The following PACRG variants were observed in gnomAD, a reference collection of about 807,000 sequenced individuals.
PACRG encodes parkin coregulated gene protein.
A neutral mutation model predicts 29.7 loss-of-function variants in PACRG; 29 were observed. That is an observed-to-expected ratio of 0.98 (90% CI 0.73 to 1.33). The LOEUF is 1.33. Ranked by LOEUF, PACRG falls within the 40% of genes most tolerant of loss-of-function variation. The pLI, the probability that PACRG is intolerant of heterozygous loss-of-function variation, is 0.00. For missense variants in PACRG, 279 were observed against 316.2 expected, an observed-to-expected ratio of 0.88 and a Z score of 0.89; for synonymous variants, 116 against 118.7, an observed-to-expected ratio of 0.98 and a Z score of 0.15.
intron 3 of PACRG, among the ~76,000 whole-genome samples, chr6:163,071,240 C>T (rs956645374): frequency 8.3e-6 from 1 of 120,754 alleles, no homozygotes; most frequent in African/African-American, 3.2e-5. Context: ...CTGCAGAATA[C>T]ACATTCTTTT....
At chr6:162,936,766 C>T (rs907197742) in intron 2 of PACRG, among the ~76,000 whole-genome samples, 4 of 151,574 alleles carry the variant, frequency 2.6e-5, no homozygotes, top group Admixed American at 2.6e-4. Context: ...GCAAATAATT[C>T]ATTTGAAAAG....
chr6:163,062,316 TA>T lies in PACRG; in HGVS notation c.463del (p.Asn155MetfsTer3). 1.9e-6 allele frequency: 3 copies of T among 1,607,950 alleles called. No individual in the cohort carries two copies. The highest frequency in any genetic ancestry group is 2.5e-6 in the Non-Finnish European group (3 of 1,178,060). On this transcript the variant is annotated frameshift_variant, in exon 3 of 5. Transcript: ENST00000366888. LOFTEE classifies it high-confidence loss of function. ...GTCCTTCCACAGCTCATTATCCCGA[TA>T]AAAAGTAAGTGAACCGGTGAAAAAG... is the stretch of plus-strand genomic sequence containing the variant. The part of the protein sequence containing the change: ...LPVLPQLIIP[I>X]KNALNLRNRQ...
At chr6:163,284,412 A>C (rs1784324802) in intron 4 of PACRG, among the ~76,000 whole-genome samples, 1 of 152,200 alleles carries the variant, frequency 6.6e-6, no homozygotes, top group Non-Finnish European at 1.5e-5. Flanking sequence ...ACGGGCATGA[A>C]TTTCTTCCAT....
chr6:162,919,949 AGAT>A (rs1186232073), intron 2 of PACRG, among the ~76,000 whole-genome samples: 4 of 152,198 alleles, frequency 2.6e-5, no homozygotes, highest in Non-Finnish European at 4.4e-5. Context: ...TCTTCTAAAA[AGAT>A]GATCTCTCTG....
At chr6:162,977,332 C>T (rs1393826343) in intron 2 of PACRG, among the ~76,000 whole-genome samples, 1 of 151,596 alleles carries the variant, frequency 6.6e-6, no homozygotes, top group South Asian at 2.1e-4. Context: ...AGTCCTTCTT[C>T]TGAACTAAAA....
At chr6:163,163,880 G>A (rs1585282984) in intron 4 of PACRG, among the ~76,000 whole-genome samples, 1 of 152,120 alleles carries the variant, frequency 6.6e-6, no homozygotes, top group Non-Finnish European at 1.5e-5. Flanking sequence ...AAAAGAATTT[G>A]TAGGCCTGAA....
Position 162,947,089 on chromosome 6 carries a change from T to C in PACRG, c.292-115061T>C, listed in dbSNP as rs116895661. Among the ~76,000 whole-genome samples the C allele has an allele frequency of 8.5e-4, 129 of 151,832 alleles. 1 individual carries two copies. The East Asian group carries it at 0.02, about 23-fold the overall frequency. ...ACAAGGATACCACTCTCACCACTCC[T>C]ATTCAACATGCTACTGAAAGTCGTA... On this transcript the variant is annotated intron_variant, in intron 2 of 4. Transcript: ENST00000366888.
intron 1 of PACRG, among the ~76,000 whole-genome samples, chr6:162,756,906 T>C (rs896066212): frequency 6.6e-6 from 1 of 152,160 alleles, no homozygotes; most frequent in African/African-American, 2.4e-5. Context: ...TATAATTGCA[T>C]GTAAAAACTC....
In PACRG at chr6:163,022,544, G is replaced by C. The variant is rs150803243; in HGVS notation, c.292-39606G>C. On this transcript the variant is annotated intron_variant, in intron 2 of 4. Transcript: ENST00000366888. Reference sequence around the variant, plus strand: ...GAGTTCTGACGAGGAGCAGCTTCGAGGCATTTGCTTCTCACTAACAGGAGT... The same window carrying C: ...GAGTTCTGACGAGGAGCAGCTTCGACGCATTTGCTTCTCACTAACAGGAGT... 3.7e-3 allele frequency among the ~76,000 whole-genome samples: 567 copies of C among 152,330 alleles called. 3 individuals are homozygous for C. Among genetic ancestry groups the C allele is most frequent in the African/African-American group, 0.013 (524 of 41,568 alleles).
At chr6:162,920,219 G>A (rs1320974486) in intron 2 of PACRG, among the ~76,000 whole-genome samples, 2 of 152,198 alleles carry the variant, frequency 1.3e-5, no homozygotes, top group Non-Finnish European at 2.9e-5. Context: ...GGGAATGAGA[G>A]AGGAAGAGAG....
At chr6:162,830,963 C>T (rs1788718092) in intron 2 of PACRG, among the ~76,000 whole-genome samples, 1 of 152,164 alleles carries the variant, frequency 6.6e-6, no homozygotes, top group South Asian at 2.1e-4. Context: ...TTTGTTACTG[C>T]CATTAGTTCC....
rs191999862 is a variant in PACRG at position 162,885,023 on chromosome 6, A to G, written c.291+70742A>G. On this transcript the variant is annotated intron_variant, in intron 2 of 4. Coordinates refer to ENST00000366888, the MANE Select transcript of PACRG (RefSeq NM_001080379.2). The stretch of plus-strand genomic sequence containing the variant: ...AGCACCCTGCTTCACTTTAGAGGTG[A>G]AGTTGTGGGCTCAATGTTACCCACA... Among the ~76,000 whole-genome samples, 5 of 152,266 alleles carry G rather than the reference A, an allele frequency of 3.3e-5. No individual in the cohort carries two copies. In the East Asian group the frequency reaches 9.7e-4, roughly 29 times the overall value.
At chr6:163,308,993 G>A (rs1042983580) in intron 4 of PACRG, among the ~76,000 whole-genome samples, 6 of 152,034 alleles carry the variant, frequency 3.9e-5, no homozygotes, top group Admixed American at 3.3e-4. Context: ...TGCCTTTTCT[G>A]GTCCAGAAAG....
chr6:162,956,498 CT>C (rs1344156550), intron 2 of PACRG, among the ~76,000 whole-genome samples: 3 of 152,196 alleles, frequency 2.0e-5, no homozygotes, highest in Non-Finnish European at 2.9e-5. Flanking sequence ...GAAAGGGAGG[CT>C]CAAAACAGCA....
chr6:162,890,932 C>T lies in PACRG; in HGVS notation c.291+76651C>T, dbSNP rs74333072. ...AGGCAGCTTCCACCCAGCTGCACCC[C>T]TCGAGGTCTTGTGCTCCCTGACCGG... On this transcript the variant is annotated intron_variant, in intron 2 of 4. Transcript: ENST00000366888. Among the ~76,000 whole-genome samples, 223 of 152,286 alleles carry T rather than the reference C, an allele frequency of 1.5e-3. 2 individuals carry two copies. In the East Asian group the frequency reaches 0.018, roughly 12 times the overall value.
intron 4 of PACRG, among the ~76,000 whole-genome samples, chr6:163,265,353 C>G (rs947766320): frequency 1.3e-5 from 2 of 152,108 alleles, no homozygotes; most frequent in Admixed American, 1.3e-4. Context: ...AGGTGTTCCT[C>G]CAGTGCCCGT....
chr6:162,764,987 A>G (rs1160014014), intron 1 of PACRG, among the ~76,000 whole-genome samples: 1 of 151,658 alleles, frequency 6.6e-6, no homozygotes, highest in African/African-American at 2.4e-5. Flanking sequence ...CTCGTGATCT[A>G]CCCACCTCAG....
chr6:163,285,324 C>G (rs775294729), intron 4 of PACRG, among the ~76,000 whole-genome samples: 1 of 152,108 alleles, frequency 6.6e-6, no homozygotes, highest in Non-Finnish European at 1.5e-5. Flanking sequence ...TCGTCCCTCC[C>G]GCTTCCCCTG....
chr6:163,180,861 G>GTCACCAGGCACCGAGCGTTGTGTGTGTT (rs1779620331), intron 4 of PACRG, among the ~76,000 whole-genome samples: 2 of 152,218 alleles, frequency 1.3e-5, no homozygotes, highest in Admixed American at 6.5e-5. Flanking sequence ...GTCTCCTGGA[G>GTCACCAGGCACCGAGCGTTGTGTGTGTT]TCACCAGGCA....
Sources: gnomAD v4.1 joint callset for allele counts (sites outside exome capture counted in the v4.1 genomes callset) on GRCh38, gnomAD v4.1.1 for gene constraint, MANE v1.5 for transcripts, NCBI Gene and HGNC (gene_info 2026-07-23, HGNC 2026-07-21) for gene names.